The following PCDHA7 variants were observed in gnomAD, a reference collection of about 807,000 sequenced individuals.
The protein encoded by PCDHA7 is protocadherin alpha 7.
In PCDHA7, 37 loss-of-function variants were observed where a neutral mutation model predicts 57.2. That is an observed-to-expected ratio of 0.65 (90% CI 0.50 to 0.85). The LOEUF (loss-of-function observed/expected upper bound fraction) is 0.85. PCDHA7 is among the 40% of genes least tolerant of loss of function. The pLI is 0.00. For missense variants in PCDHA7, 1,188 were observed against 1,241.8 expected, an observed-to-expected ratio of 0.96 and a Z score of 0.65; for synonymous variants, 553 against 558.8, an observed-to-expected ratio of 0.99 and a Z score of 0.15.
At chr5:140,971,844 C>T (rs1209652703) in intron 1 of PCDHA7, among the ~76,000 whole-genome samples, 2 of 151,920 alleles carry the variant, frequency 1.3e-5, no homozygotes, top group African/African-American at 2.4e-5. Flanking sequence ...GCAAGTCATG[C>T]GTTAAATATT....
At chr5:140,928,495 A>G in intron 1 of PCDHA7, 2 of 1,614,206 alleles carry the variant, frequency 1.2e-6, no homozygotes, top group South Asian at 1.1e-5. Flanking sequence ...CATTCCTCCC[A>G]GAAGTGCAAC....
chr5:140,926,651 C>T, intron 1 of PCDHA7: 1 of 496,446 alleles, frequency 2.0e-6, no homozygotes, highest in Non-Finnish European at 3.3e-6. Context: ...CCGGCCGGCT[C>T]CGCTTTCCCA....
intron 1 of PCDHA7, among the ~76,000 whole-genome samples, chr5:140,846,376 T>C (rs2150389253): frequency 0.033 from 4,309 of 129,342 alleles, 439 homozygotes; most frequent in African/African-American, 0.12. Flanking sequence ...TTTCTTTCTT[T>C]TTTTTTTTTT....
At chr5:140,928,594 GAA>G in intron 1 of PCDHA7, 2 of 1,614,204 alleles carry the variant, frequency 1.2e-6, no homozygotes, top group Non-Finnish European at 1.7e-6. Flanking sequence ...TGTCCCAGTG[GAA>G]ATTGTGCCCC....
At chr5:140,930,208 A>G (rs939593947) in intron 1 of PCDHA7, 39 of 152,338 alleles carry the variant, frequency 2.6e-4, no homozygotes, top group African/African-American at 8.2e-4. Flanking sequence ...AGAAATATTT[A>G]TGTGTTCAAA....
At chr5:140,964,910 A>G (rs1474342229) in intron 1 of PCDHA7, among the ~76,000 whole-genome samples, 2 of 152,206 alleles carry the variant, frequency 1.3e-5, no homozygotes, top group African/African-American at 4.8e-5. Context: ...CTTCTCTGGA[A>G]TAACACTGGC....
intron 1 of PCDHA7, among the ~76,000 whole-genome samples, chr5:140,903,809 G>A (rs1004701576): frequency 2.0e-5 from 3 of 152,080 alleles, no homozygotes; most frequent in African/African-American, 7.2e-5. Flanking sequence ...GACAAGTATA[G>A]TTCTCACATG....
chr5:140,852,725 A>G lies in PCDHA7; in HGVS notation c.2355+15987A>G. The G allele has an allele frequency of 3.1e-6, 3 of 983,054 alleles. 1 individual carries two copies. The highest frequency in any genetic ancestry group is 3.7e-6 in the Non-Finnish European group (3 of 815,624). 60.9% of individuals were successfully genotyped at this position (983,054 alleles called of 1,614,324 possible). A position where few individuals can be genotyped will look rare whatever the true frequency, so the allele number is the denominator to read the frequency against. On this transcript the variant is annotated intron_variant, in intron 1 of 3. Coordinates refer to ENST00000525929, the MANE Select transcript of PCDHA7 (RefSeq NM_018910.3). ...GTATCTTTGTCTTTGCACGTTTTTC[A>G]AGTTTCATGTGCCATTTAAACTTGG...
At chr5:140,960,063 T>G (rs1461377026) in intron 1 of PCDHA7, among the ~76,000 whole-genome samples, 1 of 152,232 alleles carries the variant, frequency 6.6e-6, no homozygotes, top group Non-Finnish European at 1.5e-5. Flanking sequence ...GTACAGAAGA[T>G]TCAATTGAAG....
rs578208339 is a variant in PCDHA7 at position 141,001,194 on chromosome 5, C to G, written c.2504-8433C>G. Among the ~76,000 whole-genome samples the G allele has an allele frequency of 1.1e-4, 17 of 152,218 alleles. 1 individual carries two copies. In the South Asian group the frequency reaches 3.3e-3, roughly 30 times the overall value. On this transcript the variant is annotated intron_variant, in intron 3 of 3. Coordinates refer to ENST00000525929, the MANE Select transcript of PCDHA7 (RefSeq NM_018910.3). ...ACGAGTTTTTACTTTGCACCATGCA[C>G]TTATGCTATGTGCTGTATAAGGATA...
chr5:140,999,801 G>T (rs1271249129), intron 3 of PCDHA7, among the ~76,000 whole-genome samples: 1 of 152,112 alleles, frequency 6.6e-6, no homozygotes, highest in Admixed American at 6.5e-5. Flanking sequence ...GTTATTTTGG[G>T]CACAAAGCAA....
intron 1 of PCDHA7, among the ~76,000 whole-genome samples, chr5:140,959,354 A>C (rs1021119947): frequency 2.0e-5 from 3 of 152,244 alleles, no homozygotes; most frequent in African/African-American, 7.2e-5. Context: ...CAGCGGGACA[A>C]CTGAGTGAGA....
At chr5:140,853,934 C>A in intron 1 of PCDHA7, 1 of 864,496 alleles carries the variant, frequency 1.2e-6, no homozygotes, top group Non-Finnish European at 1.4e-6. Flanking sequence ...TTTGGGAGGC[C>A]AAGGTGGGAG....
chr5:140,871,343 G>A (rs782701070), intron 1 of PCDHA7: 3 of 1,614,194 alleles, frequency 1.9e-6, no homozygotes, highest in East Asian at 2.2e-5. Context: ...GTGGGGAGCT[G>A]GTCATACTCG....
intron 3 of PCDHA7, among the ~76,000 whole-genome samples, chr5:141,000,343 C>G (rs1410684542): frequency 1.7e-5 from 2 of 116,202 alleles, no homozygotes; most frequent in Admixed American, 9.0e-5. Context: ...GGCCCTATCT[C>G]TCTCTCTGTC....
intron 1 of PCDHA7, chr5:140,875,770 G>A: frequency 1.2e-6 from 2 of 1,614,230 alleles, no homozygotes; most frequent in East Asian, 2.2e-5. Flanking sequence ...CGGGCGGAGC[G>A]CGGAGTGCAG....
At chr5:140,884,296 ACAGG>A in intron 1 of PCDHA7, 1 of 1,613,674 alleles carries the variant, frequency 6.2e-7, no homozygotes, top group Non-Finnish European at 8.5e-7. Flanking sequence ...GCCAAGCGCC[ACAGG>A]CTTCGTCGAG....
chr5:140,912,746 A>T (rs1322674627), intron 1 of PCDHA7, among the ~76,000 whole-genome samples: 1 of 152,200 alleles, frequency 6.6e-6, no homozygotes, highest in Non-Finnish European at 1.5e-5. Flanking sequence ...TGGGTCTGTC[A>T]TAGATGGCTT....
intron 1 of PCDHA7, chr5:140,882,976 T>G: frequency 1.2e-6 from 2 of 1,614,220 alleles, no homozygotes; most frequent in Non-Finnish European, 1.7e-6. Flanking sequence ...TGGACGTGAA[T>G]GACAACGCCC....
Sources: gnomAD v4.1 joint callset for allele counts (sites outside exome capture counted in the v4.1 genomes callset) on GRCh38, gnomAD v4.1.1 for gene constraint, MANE v1.5 for transcripts, NCBI Gene and HGNC (gene_info 2026-07-23, HGNC 2026-07-21) for gene names.